GUCY1A2: variants seen among roughly 807,000 people sequenced by gnomAD.
GUCY1A2 encodes the protein guanylate cyclase soluble subunit alpha-2.
Under a neutral mutation model 63.5 loss-of-function variants are expected in GUCY1A2, and 27 were observed. That is an observed-to-expected ratio of 0.43 (90% CI 0.31 to 0.59). GUCY1A2 has a LOEUF of 0.59. Among genes scored for constraint, GUCY1A2 ranks in the 20% least tolerant of loss-of-function variants. The pLI is 0.11. For missense variants in GUCY1A2, 768 were observed against 913.3 expected (o/e 0.84, Z 2.05); for synonymous variants, 364 against 343.5 (o/e 1.06, Z -0.66).
intron 4 of GUCY1A2, among the ~76,000 whole-genome samples, chr11:106,894,275 C>T (rs1372139927): frequency 2.0e-5 from 3 of 151,946 alleles, no homozygotes; most frequent in East Asian, 1.9e-4. Context: ...GTGTATGTGC[C>T]GAACAACAGA....
chr11:106,697,785 T>C (rs1237296901), intron 7 of GUCY1A2, among the ~76,000 whole-genome samples: 1 of 152,158 alleles, frequency 6.6e-6, no homozygotes, highest in Admixed American at 6.6e-5. Context: ...GTATTAACCA[T>C]ACAATATATA....
chr11:106,955,681 G>C (rs896007594), intron 3 of GUCY1A2, among the ~76,000 whole-genome samples: 1 of 152,122 alleles, frequency 6.6e-6, no homozygotes, highest in African/African-American at 2.4e-5. Context: ...TAGTCTGATG[G>C]ACTTCCCTTT....
chr11:106,978,208 G>C (rs1269076410), intron 3 of GUCY1A2, among the ~76,000 whole-genome samples: 1 of 152,142 alleles, frequency 6.6e-6, no homozygotes, highest in Non-Finnish European at 1.5e-5. Context: ...ACATTGGATT[G>C]TAGAGTGTTA....
chr11:106,758,472 A>C (rs4753781), intron 6 of GUCY1A2, among the ~76,000 whole-genome samples: 28,634 of 152,104 alleles, frequency 0.19, 3,862 homozygotes, highest in African/African-American at 0.39. Context: ...AACGCCACAC[A>C]CTGCCCTGCT....
intron 6 of GUCY1A2, among the ~76,000 whole-genome samples, chr11:106,775,612 G>A (rs1270185006): frequency 1.3e-5 from 2 of 151,688 alleles, no homozygotes; most frequent in South Asian, 4.2e-4. Flanking sequence ...ATTTTAATCA[G>A]ATGGATTGTT....
intron 5 of GUCY1A2, among the ~76,000 whole-genome samples, chr11:106,798,219 A>T (rs1306435599): frequency 6.6e-6 from 1 of 152,196 alleles, no homozygotes; most frequent in Non-Finnish European, 1.5e-5. Context: ...ACCAGGAAGA[A>T]GTTGAATCCC....
intron 5 of GUCY1A2, among the ~76,000 whole-genome samples, chr11:106,785,508 C>T (rs536000915): frequency 6.6e-6 from 1 of 151,692 alleles, no homozygotes; most frequent in Admixed American, 6.6e-5. Flanking sequence ...TATGTTTATA[C>T]TCCTCTCCGC....
intron 4 of GUCY1A2, among the ~76,000 whole-genome samples, chr11:106,843,961 A>G (rs1281399258): frequency 6.6e-6 from 1 of 151,864 alleles, no homozygotes; most frequent in Non-Finnish European, 1.5e-5. Context: ...GAGGTATAAC[A>G]TCGGTCAGCA....
chr11:106,757,420 G>A (rs1863993782), intron 6 of GUCY1A2, among the ~76,000 whole-genome samples: 1 of 152,150 alleles, frequency 6.6e-6, no homozygotes, highest in Non-Finnish European at 1.5e-5. Context: ...TCCTCTGGAG[G>A]AGAAAAGGCA....
At chr11:106,908,773 T>A (rs1860250178) in intron 4 of GUCY1A2, among the ~76,000 whole-genome samples, 1 of 152,012 alleles carries the variant, frequency 6.6e-6, no homozygotes, top group South Asian at 2.1e-4. Context: ...AGGCACTAAA[T>A]CAACCAGGGC....
intron 4 of GUCY1A2, among the ~76,000 whole-genome samples, chr11:106,907,766 T>A (rs368236672): frequency 6.6e-6 from 1 of 152,162 alleles, no homozygotes; most frequent in Non-Finnish European, 1.5e-5. Context: ...TAGTATTCCA[T>A]GGTGTATATG....
rs149476512 is a variant in GUCY1A2, at chr11:106,677,601, A to G, written c.*9948T>C. The G allele has an allele frequency of 4.8e-6, 1 of 207,686 alleles. No homozygotes were observed. The highest frequency in any genetic ancestry group is 2.3e-5 in the African/African-American group (1 of 43,942). The allele number at this position is 207,686 out of a possible 1,614,324, so 12.9% of individuals were successfully genotyped here. ...ATTAAATTTCTTGTTTGTTTTATCA[A>G]AGTTTTGACATGCTGAATTTCATGG... is the stretch of plus-strand genomic sequence containing the variant. On this transcript the variant is annotated 3_prime_UTR_variant, in exon 8 of 8. Coordinates refer to ENST00000526355, the MANE Select transcript of GUCY1A2 (RefSeq NM_000855.3).
At chr11:106,755,664 A>AAACTCAG (rs1863960644) in intron 6 of GUCY1A2, among the ~76,000 whole-genome samples, 1 of 152,124 alleles carries the variant, frequency 6.6e-6, no homozygotes, top group African/African-American at 2.4e-5. Flanking sequence ...GTTTTGAGTG[A>AAACTCAG]GTTTCTTAAT....
At chr11:107,009,599 G>A (rs1051794731) in intron 1 of GUCY1A2, among the ~76,000 whole-genome samples, 3 of 152,132 alleles carry the variant, frequency 2.0e-5, no homozygotes, top group African/African-American at 4.8e-5. Context: ...CGGGAAAAAC[G>A]GGCAGAGTCC....
intron 1 of GUCY1A2, among the ~76,000 whole-genome samples, chr11:106,987,111 G>A (rs1861411565): frequency 1.3e-5 from 2 of 152,160 alleles, no homozygotes; most frequent in Middle Eastern, 3.4e-3. Context: ...AGTCAATTAA[G>A]CAGAAAAAAA....
At chr11:106,739,540 G>A (rs1369595976) in intron 6 of GUCY1A2, among the ~76,000 whole-genome samples, 1 of 152,182 alleles carries the variant, frequency 6.6e-6, no homozygotes, top group South Asian at 2.1e-4. Context: ...GTCAGAGAGG[G>A]TAAGCAGCTT....
intron 6 of GUCY1A2, among the ~76,000 whole-genome samples, chr11:106,715,000 A>G (rs1468031422): frequency 2.6e-5 from 4 of 152,158 alleles, no homozygotes; most frequent in African/African-American, 9.7e-5. Flanking sequence ...GAAAAAAAAT[A>G]TTTGTCCTAG....
In GUCY1A2 at chr11:106,710,126, AGT is replaced by A. The variant is rs1565265409; in HGVS notation, c.1837-1462_1837-1461del. Among the ~76,000 whole-genome samples the A allele has an allele frequency of 4.2e-4, 47 of 111,202 alleles. 20 individuals carry two copies. Among genetic ancestry groups the A allele is most frequent in the Non-Finnish European group, 6.3e-4 (38 of 59,920 alleles). 73.0% of individuals were successfully genotyped at this position (111,202 alleles called of 152,430 possible). A position where few individuals can be genotyped will look rare whatever the true frequency, so the allele number is the denominator to read the frequency against. ...TATATTATATACATGTATATAATAT[AGT>A]TATATATATAATATATAGTTATATA... On this transcript the variant is annotated intron_variant, in intron 6 of 7. Transcript: ENST00000526355.
At chr11:106,718,458 T>G (rs1276961716) in intron 6 of GUCY1A2, among the ~76,000 whole-genome samples, 1 of 152,106 alleles carries the variant, frequency 6.6e-6, no homozygotes, top group Non-Finnish European at 1.5e-5. Context: ...TGTGGGGATA[T>G]AGCAATATGG....
Sources: allele counts gnomAD v4.1 joint callset (sites outside exome capture counted in the v4.1 genomes callset), GRCh38; gene constraint gnomAD v4.1.1; transcripts MANE v1.5; gene names NCBI Gene and HGNC (gene_info 2026-07-23, HGNC 2026-07-21).